Variants in RFC3 observed in about 807,000 individuals in gnomAD.
RFC3 encodes A1 38 kDa subunit.
In RFC3, 41 loss-of-function variants were observed where a neutral mutation model predicts 45.1. The ratio of observed to expected loss-of-function variants is 0.91; its 90% CI spans 0.71 to 1.18. RFC3 has a LOEUF of 1.18. Among genes scored for constraint, RFC3 ranks in the 50% most tolerant of loss-of-function variants. RFC3 has a pLI of 0.00. For synonymous variants in RFC3, 149 were observed against 144.0 expected (o/e 1.03, Z -0.25); for missense variants, 423 against 428.1 (o/e 0.99, Z 0.10).
At chr13:33,883,787 G>A (rs374951740) in intron 8 of RFC3, among the ~76,000 whole-genome samples, 12 of 152,304 alleles carry the variant, frequency 7.9e-5, no homozygotes, top group African/African-American at 2.9e-4. Context: ...CTTTCAGAGC[G>A]TGGAGAGTGG....
chr13:33,922,013 G>C (rs2082771933), intron 8 of RFC3, among the ~76,000 whole-genome samples: 1 of 152,110 alleles, frequency 6.6e-6, no homozygotes, highest in African/African-American at 2.4e-5. Context: ...GTCAGGCAGG[G>C]ATAGGAACAC....
At chr13:33,940,832 A>G (rs748040774) in intron 8 of RFC3, among the ~76,000 whole-genome samples, 115 of 152,318 alleles carry the variant, frequency 7.5e-4, no homozygotes, top group Non-Finnish European at 1.5e-3. Context: ...CATTATTGCC[A>G]TCATATATTT....
At chr13:33,889,368 C>T (rs1354452026) in intron 8 of RFC3, among the ~76,000 whole-genome samples, 1 of 152,110 alleles carries the variant, frequency 6.6e-6, no homozygotes. Context: ...AAAAATTTGC[C>T]AATTGAAAAT....
intron 8 of RFC3, among the ~76,000 whole-genome samples, chr13:33,949,795 A>G (rs1192892094): frequency 6.6e-6 from 1 of 152,226 alleles, no homozygotes; most frequent in Non-Finnish European, 1.5e-5. Flanking sequence ...GCCTCATCCA[A>G]TAAATTGAAG....
At position 33,909,335 on chromosome 13, in the gene RFC3, C is replaced by T. The variant is rs533232497; in HGVS notation, c.880-56752C>T. 1.2e-3 allele frequency among the ~76,000 whole-genome samples: 189 copies of T among 152,118 alleles called. 2 individuals are homozygous for T. Among genetic ancestry groups the T allele is most frequent in the African/African-American group, 4.5e-3 (186 of 41,542 alleles). On this transcript the variant is annotated intron_variant, in intron 8 of 8. Coordinates refer to the RFC3 transcript ENST00000434425. ...AATGAGAGGCCACCCTGGTCCCTGACCTCCTGTTCTTAGACACGGGCTTCT... is the reference window on the plus strand; with the variant it reads ...AATGAGAGGCCACCCTGGTCCCTGATCTCCTGTTCTTAGACACGGGCTTCT...
At chr13:33,896,263 AC>A (rs1382305613) in intron 8 of RFC3, among the ~76,000 whole-genome samples, 27 of 151,916 alleles carry the variant, frequency 1.8e-4, no homozygotes, top group Admixed American at 1.8e-3. Flanking sequence ...TTAAACCAAA[AC>A]AAAAAGAAAA....
chr13:33,967,044 T>C (rs1462770436), downstream of RFC3, among the ~76,000 whole-genome samples: 1 of 151,722 alleles, frequency 6.6e-6, no homozygotes, highest in African/African-American at 2.4e-5. Flanking sequence ...GTGGTCCCAG[T>C]TACTCGGGAG....
chr13:33,879,853 A>G (rs1448757152), intron 8 of RFC3, among the ~76,000 whole-genome samples: 3 of 152,196 alleles, frequency 2.0e-5, no homozygotes, highest in Non-Finnish European at 4.4e-5. Context: ...CTAGGACAGA[A>G]TCTGTTTTCT....
chr13:33,868,836 G>T (rs1197035940), intron 8 of RFC3, among the ~76,000 whole-genome samples: 1 of 152,096 alleles, frequency 6.6e-6, no homozygotes. Flanking sequence ...GAACCTGGAT[G>T]ACTCAAAGTC....
At chr13:33,965,284 G>A (rs993552201) in intron 8 of RFC3, among the ~76,000 whole-genome samples, 1 of 152,142 alleles carries the variant, frequency 6.6e-6, no homozygotes, top group East Asian at 1.9e-4. Context: ...ACAGTCATGA[G>A]CTATTCGGTC....
chr13:33,917,800 T>G (rs989358238), intron 8 of RFC3, among the ~76,000 whole-genome samples: 29 of 152,064 alleles, frequency 1.9e-4, no homozygotes, highest in African/African-American at 6.5e-4. Flanking sequence ...GAGACCCTTT[T>G]GTCTACTCCA....
rs926664684 is a variant in RFC3 at position 33,951,039 on chromosome 13, CTTTTTTTTTTTT to C, written c.880-15035_880-15024del. Among the ~76,000 whole-genome samples, 28 of 60,808 alleles carry C rather than the reference CTTTTTTTTTTTT, an allele frequency of 4.6e-4. 1 individual carries two copies. The highest frequency in any genetic ancestry group is 9.2e-4 in the Admixed American group (4 of 4,330). 39.9% of individuals were successfully genotyped at this position (60,808 alleles called of 152,430 possible). ...ATGTCTCCAGCCCACTCTGATGGCT[CTTTTTTTTTTTT>C]TTTTTTTTTTTTGGAAATCTGTCAT... On this transcript the variant is annotated intron_variant, in intron 8 of 8. Coordinates refer to the RFC3 transcript ENST00000434425.
intron 8 of RFC3, among the ~76,000 whole-genome samples, chr13:33,910,972 A>C (rs570751662): frequency 6.6e-6 from 1 of 152,054 alleles, no homozygotes; most frequent in African/African-American, 2.4e-5. Flanking sequence ...GGAAATCCAC[A>C]CCCATGATCC....
intron 4 of RFC3, chr13:33,829,470 C>A: frequency 4.7e-6 from 1 of 214,222 alleles, no homozygotes; most frequent in Non-Finnish European, 9.2e-6. Context: ...ACAAAGTGAC[C>A]TTTTAACTTC....
At chr13:33,821,946 A>T (rs964506087) in intron 2 of RFC3, among the ~76,000 whole-genome samples, 1 of 152,108 alleles carries the variant, frequency 6.6e-6, no homozygotes, top group Non-Finnish European at 1.5e-5. Context: ...CTTTGAAAAG[A>T]TTGTATTTGT....
chr13:33,938,840 A>C (rs1046578791), intron 8 of RFC3, among the ~76,000 whole-genome samples: 1 of 152,144 alleles, frequency 6.6e-6, no homozygotes, highest in African/African-American at 2.4e-5. Flanking sequence ...ACAACAAAAC[A>C]GTTTTCCAAA....
intron 8 of RFC3, among the ~76,000 whole-genome samples, chr13:33,936,029 T>G (rs563649962): frequency 6.6e-6 from 1 of 152,230 alleles, no homozygotes; most frequent in South Asian, 2.1e-4. Flanking sequence ...CTTCCCCTTA[T>G]GAGAGCGATG....
intron 8 of RFC3, among the ~76,000 whole-genome samples, chr13:33,881,333 T>C (rs1287837483): frequency 1.3e-5 from 2 of 152,198 alleles, no homozygotes; most frequent in Admixed American, 6.5e-5. Flanking sequence ...TATTCATTCG[T>C]TAGTTCAGCA....
intron 8 of RFC3, among the ~76,000 whole-genome samples, chr13:33,856,787 G>A (rs1178738824): frequency 6.6e-6 from 1 of 152,156 alleles, no homozygotes; most frequent in Non-Finnish European, 1.5e-5. Context: ...AAGAGGTGTG[G>A]TAATTTTGTG....
Sources: allele counts gnomAD v4.1 joint callset (sites outside exome capture counted in the v4.1 genomes callset), GRCh38; gene constraint gnomAD v4.1.1; transcripts MANE v1.5; gene names NCBI Gene and HGNC (gene_info 2026-07-23, HGNC 2026-07-21).